CORO1C: variants seen among roughly 807,000 people sequenced by gnomAD.
The protein encoded by CORO1C is coronin 1C.
A neutral mutation model predicts 51.2 loss-of-function variants in CORO1C; 14 were observed. The ratio of observed to expected loss-of-function variants is 0.27; its 90% CI spans 0.18 to 0.43. The LOEUF is 0.43. Ranked by LOEUF, CORO1C falls within the 20% of genes least tolerant of loss-of-function variation. The pLI is 1.00. For synonymous variants in CORO1C, 181 were observed against 210.5 expected, an observed-to-expected ratio of 0.86 and a Z score of 1.21; for missense variants, 417 against 607.8, an observed-to-expected ratio of 0.69 and a Z score of 3.30.
chr12:108,662,506 A>G (rs1476676675), intron 3 of CORO1C, among the ~76,000 whole-genome samples: 1 of 152,092 alleles, frequency 6.6e-6, no homozygotes, highest in Non-Finnish European at 1.5e-5. Flanking sequence ...GTTATCGGAG[A>G]TCAGGATACC....
chr12:108,706,135 C>T (rs993750004), intron 1 of CORO1C, among the ~76,000 whole-genome samples: 3 of 142,138 alleles, frequency 2.1e-5, no homozygotes, highest in Admixed American at 7.8e-5. Flanking sequence ...TGCAGTAAGC[C>T]GAGACAGTGC....
chr12:108,670,685 GA>G (rs905471826), intron 3 of CORO1C, among the ~76,000 whole-genome samples: 7 of 147,390 alleles, frequency 4.7e-5, no homozygotes, highest in African/African-American at 1.7e-4. Context: ...AAATAAGCAA[GA>G]AAAAAAAATC....
At chr12:108,678,054 C>T (rs931553254) in intron 3 of CORO1C, among the ~76,000 whole-genome samples, 1 of 151,990 alleles carries the variant, frequency 6.6e-6, no homozygotes, top group Admixed American at 6.6e-5. Flanking sequence ...ACGGCAGACA[C>T]TGCAGTACAA....
chr12:108,701,490 C>T (rs755880498), intron 1 of CORO1C, 167 bp from the exon 2 acceptor site: 9 of 976,498 alleles, frequency 9.2e-6, no homozygotes, highest in South Asian at 3.5e-5. Flanking sequence ...AGCACATACC[C>T]GGAGACAACT....
intron 1 of CORO1C, among the ~76,000 whole-genome samples, chr12:108,715,421 T>C (rs1436071727): frequency 6.6e-6 from 1 of 152,190 alleles, no homozygotes; most frequent in Non-Finnish European, 1.5e-5. Flanking sequence ...AAATCATCTC[T>C]AGCTCTTCAA....
intron 3 of CORO1C, among the ~76,000 whole-genome samples, chr12:108,674,534 C>A (rs569201349): frequency 7.1e-6 from 1 of 140,984 alleles, no homozygotes; most frequent in South Asian, 2.3e-4. Flanking sequence ...GGCGACAGAG[C>A]GAGACTCCGT....
At chr12:108,687,964 GGCTGGAGTGCAGTGGT>G (rs1268471527) in intron 2 of CORO1C, among the ~76,000 whole-genome samples, 4 of 148,192 alleles carry the variant, frequency 2.7e-5, no homozygotes, top group Non-Finnish European at 4.5e-5. Context: ...CTGTCACCCA[GGCTGGAGTGCAGTGGT>G]GCAATCTCAG....
At chr12:108,720,163 G>A (rs2035442398) in intron 1 of CORO1C, among the ~76,000 whole-genome samples, 1 of 152,124 alleles carries the variant, frequency 6.6e-6, no homozygotes, top group Non-Finnish European at 1.5e-5. Context: ...TCCAGCCTGG[G>A]TGACAGAGCA....
At position 108,692,086 on chromosome 12, in the gene CORO1C, C is replaced by T. The variant is rs139887547; in HGVS notation, c.195+9038G>A. On this transcript the variant is annotated intron_variant, in intron 2 of 10. Coordinates refer to ENST00000261401, the MANE Select transcript of CORO1C (RefSeq NM_014325.4). Reference sequence around the variant, plus strand: ...ACTTCATGTGGTAATGAGGCCAGGCCGTGCTCGTGTGGCTGGCAGCTCGTG... The same window carrying T: ...ACTTCATGTGGTAATGAGGCCAGGCTGTGCTCGTGTGGCTGGCAGCTCGTG... Among the ~76,000 whole-genome samples the T allele has an allele frequency of 1.2e-3, 186 of 152,140 alleles. 7 individuals are homozygous for T. The East Asian group carries it at 0.034, about 28-fold the overall frequency.
At chr12:108,650,180 C>CTT (rs1057367204) in intron 8 of CORO1C, among the ~76,000 whole-genome samples, 6,860 of 80,560 alleles carry the variant, frequency 0.085, 879 homozygotes, top group South Asian at 0.1. Flanking sequence ...AACCAAAAAC[C>CTT]TTTTTTTTTT....
At chr12:108,706,361 ATCAAGAATAAGATGAGCTTGTCCACCCT>A (rs1403472742) in intron 1 of CORO1C, among the ~76,000 whole-genome samples, 1 of 152,182 alleles carries the variant, frequency 6.6e-6, no homozygotes, top group Non-Finnish European at 1.5e-5. Context: ...TCTCCCTGAG[ATCAAGAATAAGATGAGCTTGTCCACCCT>A]TGCCACTTCT....
At chr12:108,651,893 T>C (rs2032676157) in intron 8 of CORO1C, among the ~76,000 whole-genome samples, 2 of 151,932 alleles carry the variant, frequency 1.3e-5, no homozygotes, top group Admixed American at 6.6e-5. Context: ...GGTGTGGTGG[T>C]GGGCGCCTGT....
At position 108,726,775 on chromosome 12, in the gene CORO1C, C is replaced by T. The variant is rs1592958768; in HGVS notation, c.-6+4654G>A. Among the ~76,000 whole-genome samples, 6 of 152,204 alleles carry T rather than the reference C, an allele frequency of 3.9e-5. 1 individual carries two copies. Among genetic ancestry groups the T allele is most frequent in the Admixed American group, 3.9e-4 (6 of 15,286 alleles). On this transcript the variant is annotated intron_variant, in intron 1 of 10. Coordinates refer to ENST00000261401, the MANE Select transcript of CORO1C (RefSeq NM_014325.4). Reference sequence around the variant, plus strand: ...CTGACCAAATACTATCAGGGTCGGCCTGTATGCATTTGGTGTGACTAAATC... The same window carrying T: ...CTGACCAAATACTATCAGGGTCGGCTTGTATGCATTTGGTGTGACTAAATC...
At chr12:108,652,194 AG>A in intron 8 of CORO1C, 77 bp downstream of exon 8, 2 of 1,339,984 alleles carry the variant, frequency 1.5e-6, no homozygotes, top group Non-Finnish European at 2.1e-6. Context: ...TGAGATCTGA[AG>A]TATATGCTAG....
At chr12:108,673,051 G>A (rs1266819644) in intron 3 of CORO1C, among the ~76,000 whole-genome samples, 1 of 152,184 alleles carries the variant, frequency 6.6e-6, no homozygotes, top group Non-Finnish European at 1.5e-5. Flanking sequence ...GTGAAAGGAA[G>A]AGTTGCACAT....
chr12:108,677,821 C>T (rs2033961828), intron 3 of CORO1C, among the ~76,000 whole-genome samples: 1 of 152,096 alleles, frequency 6.6e-6, no homozygotes, highest in Non-Finnish European at 1.5e-5. Context: ...GAGTTCGAGA[C>T]CAGCCTGGCC....
At chr12:108,699,601 T>C (rs576590304) in intron 2 of CORO1C, among the ~76,000 whole-genome samples, 27 of 152,258 alleles carry the variant, frequency 1.8e-4, no homozygotes, top group Admixed American at 1.5e-3. Flanking sequence ...ATGTCAAGTT[T>C]CCAAATGCCC....
intron 1 of CORO1C, chr12:108,702,838 G>A (rs575034537): frequency 1.3e-6 from 2 of 1,535,256 alleles, no homozygotes; most frequent in South Asian, 1.2e-5. Context: ...CCAATGCTGG[G>A]GGCATGTAGC....
chr12:108,666,679 C>T (rs1032039107), intron 3 of CORO1C, among the ~76,000 whole-genome samples: 1 of 152,134 alleles, frequency 6.6e-6, no homozygotes, highest in African/African-American at 2.4e-5. Flanking sequence ...GCCTGGGTGT[C>T]AGAAGACACA....
Sources: allele counts gnomAD v4.1 joint callset (sites outside exome capture counted in the v4.1 genomes callset), GRCh38; gene constraint gnomAD v4.1.1; transcripts MANE v1.5; gene names NCBI Gene and HGNC (gene_info 2026-07-23, HGNC 2026-07-21).